The following GABRR1 variants were observed in gnomAD, a reference collection of about 807,000 sequenced individuals.
GABRR1 encodes gamma-aminobutyric acid receptor subunit rho-1.
Under a neutral mutation model 55.5 loss-of-function variants are expected in GABRR1, and 59 were observed. The observed-to-expected ratio is 1.06, with a 90% CI of 0.86 to 1.32. GABRR1 has a LOEUF of 1.32. GABRR1 is among the 40% of genes most tolerant of loss of function. GABRR1 has a pLI of 0.00. For missense variants in GABRR1, 602 were observed against 619.1 expected, an observed-to-expected ratio of 0.97 and a Z score of 0.29; for synonymous variants, 213 against 226.0, an observed-to-expected ratio of 0.94 and a Z score of 0.51.
At chr6:89,185,232 C>T in intron 7 of GABRR1, 78 bp downstream of exon 7, 1 of 1,577,366 alleles carries the variant, frequency 6.3e-7, no homozygotes, top group Non-Finnish European at 8.7e-7. Context: ...CCAATTCAAA[C>T]CTTTCCTATA....
chr6:89,218,900 A>G (rs961530127), upstream of GABRR1, among the ~76,000 whole-genome samples: 24 of 152,210 alleles, frequency 1.6e-4, no homozygotes, highest in African/African-American at 5.8e-4. Flanking sequence ...AATTCACTCA[A>G]ATCTATAGGT....
intron 1 of GABRR1, among the ~76,000 whole-genome samples, chr6:89,214,717 G>T (rs1055149394): frequency 1.3e-5 from 2 of 152,170 alleles, no homozygotes; most frequent in Admixed American, 1.3e-4. Context: ...TCTCACACCA[G>T]TCGGAATGGC....
chr6:89,187,329 T>C (rs1771936207), intron 6 of GABRR1, among the ~76,000 whole-genome samples: 1 of 152,186 alleles, frequency 6.6e-6, no homozygotes, highest in East Asian at 1.9e-4. Context: ...GTATTTATGA[T>C]GCATGATAAA....
chr6:89,201,545 C>T (rs1266060288), intron 2 of GABRR1, among the ~76,000 whole-genome samples: 6 of 152,030 alleles, frequency 3.9e-5, no homozygotes, highest in South Asian at 2.1e-4. Flanking sequence ...TTTGGGAGTC[C>T]GAGGCGGGTG....
rs750641939 is a variant in GABRR1, at chr6:89,217,272, T to A, written c.51A>T (p.Gly17=). ...MRFGIFLLWW[G]WVLATESRMH... ...TTCTGCTTTCAGTGGCCAAAACCCA[T>A]CCCCACCACAAAAGAAAGATGCCAA... The change falls in exon 1 of 10, where the codon GGA becomes GGT. Residue 17 remains glycine, a synonymous_variant. Transcript: ENST00000454853. 1.2e-6 allele frequency: 2 copies of A among 1,613,826 alleles called. No individual in the cohort carries two copies. The highest frequency in any genetic ancestry group is 8.5e-7 in the Non-Finnish European group (1 of 1,179,962).
chr6:89,183,307 T>A (rs1232170458), intron 7 of GABRR1, among the ~76,000 whole-genome samples: 2 of 152,184 alleles, frequency 1.3e-5, no homozygotes, highest in Admixed American at 1.3e-4. Context: ...AGCAAGCTAC[T>A]GCAGAGGGAC....
At chr6:89,201,671 C>T (rs561799954) in intron 2 of GABRR1, among the ~76,000 whole-genome samples, 3 of 151,816 alleles carry the variant, frequency 2.0e-5, no homozygotes, top group South Asian at 4.2e-4. Context: ...CCCAGCTACT[C>T]GGGAGGCTGA....
chr6:89,210,182 ATTTTTTTTTTTTTT>A (rs60158472), intron 1 of GABRR1, among the ~76,000 whole-genome samples: 5 of 80,200 alleles, frequency 6.2e-5, no homozygotes, highest in African/African-American at 1.6e-4. Context: ...TTCTGCAGCA[ATTTTTTTTTTTTTT>A]TTTTTTTTTT....
intron 6 of GABRR1, among the ~76,000 whole-genome samples, chr6:89,186,176 G>A (rs1771895757): frequency 6.6e-6 from 1 of 152,208 alleles, no homozygotes; most frequent in Non-Finnish European, 1.5e-5. Context: ...AGGGGTCCCT[G>A]GGACTATTTT....
Position 89,184,545 on chromosome 6 carries a change from AGCAG to A in GABRR1, c.796+761_796+764del, listed in dbSNP as rs1771833844. 3.3e-5 allele frequency among the ~76,000 whole-genome samples: 5 copies of A among 152,288 alleles called. No individual in the cohort carries two copies. In the East Asian group the frequency reaches 5.8e-4, roughly 18 times the overall value. On this transcript the variant is annotated intron_variant, in intron 7 of 9. Transcript: ENST00000454853. Reference sequence around the variant, plus strand: ...GAGAGTCACCAGGAGGGGCTGTGCAAGCAGCATAGCAAGAGCAGACTGGTCAAGA... The same window carrying A: ...GAGAGTCACCAGGAGGGGCTGTGCAACATAGCAAGAGCAGACTGGTCAAGA...
intron 5 of GABRR1, among the ~76,000 whole-genome samples, chr6:89,196,432 GTGT>G: frequency 6.6e-6 from 1 of 152,160 alleles, no homozygotes; most frequent in East Asian, 1.9e-4. Context: ...CCATTGAGTT[GTGT>G]TGTTGTGTTG....
intron 5 of GABRR1, among the ~76,000 whole-genome samples, chr6:89,193,652 C>T (rs770032927): frequency 6.6e-6 from 1 of 152,192 alleles, no homozygotes; most frequent in Non-Finnish European, 1.5e-5. Flanking sequence ...TTGTTAAACA[C>T]AGTCACTATT....
At chr6:89,197,103 G>T (rs1772319819) in intron 5 of GABRR1, among the ~76,000 whole-genome samples, 1 of 152,118 alleles carries the variant, frequency 6.6e-6, no homozygotes. Context: ...GAGTATGGAG[G>T]GATCATCATA....
At chr6:89,209,355 T>C (rs1224636336) in intron 1 of GABRR1, among the ~76,000 whole-genome samples, 1 of 152,214 alleles carries the variant, frequency 6.6e-6, no homozygotes, top group Non-Finnish European at 1.5e-5. Flanking sequence ...TAGAACGTAC[T>C]ACTTTCTAAC....
intron 1 of GABRR1, among the ~76,000 whole-genome samples, chr6:89,226,000 T>C (rs956073772): frequency 6.6e-6 from 1 of 151,654 alleles, no homozygotes; most frequent in African/African-American, 2.4e-5. Flanking sequence ...TTGATTTGCA[T>C]TTCTCTGATG....
At chr6:89,225,384 A>AGG (rs1773183968) in intron 1 of GABRR1, among the ~76,000 whole-genome samples, 2 of 138,576 alleles carry the variant, frequency 1.4e-5, no homozygotes, top group African/African-American at 5.5e-5. Flanking sequence ...ATCTAGCATT[A>AGG]GGTATATCTC....
chr6:89,197,976 A>T (rs1280566161), intron 5 of GABRR1, 44 bp downstream of exon 5: 2 of 1,564,696 alleles, frequency 1.3e-6, no homozygotes. Flanking sequence ...TTGTGAAACC[A>T]ATGCTTTTCT....
intron 6 of GABRR1, among the ~76,000 whole-genome samples, chr6:89,185,982 C>G (rs1771889577): frequency 6.6e-6 from 1 of 152,200 alleles, no homozygotes; most frequent in African/African-American, 2.4e-5. Context: ...TCCAGTTACT[C>G]CTACTCAGGG....
At position 89,230,969 on chromosome 6, in the gene GABRR1, G is replaced by A. The variant is rs554155906; in HGVS notation, c.-411+247C>T. Among the ~76,000 whole-genome samples, 133 of 151,866 alleles carry A rather than the reference G, an allele frequency of 8.8e-4. 1 individual carries two copies. The highest frequency in any genetic ancestry group is 1.6e-3 in the Non-Finnish European group (107 of 67,932). ...GGTGTGGGATATAGTCTCGTGGTGC[G>A]CCGTTTTTTAAGCCGGTCTGAAAAG... is the stretch of plus-strand genomic sequence containing the variant. On this transcript the variant is annotated intron_variant, in intron 1 of 11. Transcript: ENST00000369451.
Sources: gnomAD v4.1 joint callset for allele counts (sites outside exome capture counted in the v4.1 genomes callset) on GRCh38, gnomAD v4.1.1 for gene constraint, MANE v1.5 for transcripts, NCBI Gene and HGNC (gene_info 2026-07-23, HGNC 2026-07-21) for gene names.